CREB5: variants seen among roughly 807,000 people sequenced by gnomAD.
CREB5 encodes cAMP responsive element binding protein 5.
CREB5 carries 19 observed loss-of-function variants against 57.1 expected under a neutral mutation model. The ratio of observed to expected loss-of-function variants is 0.33; its 90% CI spans 0.23 to 0.49. CREB5 has a LOEUF of 0.49. Among genes scored for constraint, CREB5 ranks in the 20% least tolerant of loss-of-function variants. The probability of loss-of-function intolerance (pLI) is 0.99; values close to 1 mark genes in which losing one functional copy is unlikely to be tolerated. For synonymous variants in CREB5, 238 were observed against 238.3 expected (o/e 1.00, Z 0.01); for missense variants, 579 against 671.6 (o/e 0.86, Z 1.52).
chr7:28,455,434 A>G (rs1790050719), intron 1 of CREB5, among the ~76,000 whole-genome samples: 2 of 152,226 alleles, frequency 1.3e-5, no homozygotes, highest in African/African-American at 4.8e-5. Flanking sequence ...CTAAACATAG[A>G]AGGCAGAAAG....
chr7:28,749,109 A>G (rs971654551), intron 7 of CREB5, among the ~76,000 whole-genome samples: 8 of 152,152 alleles, frequency 5.3e-5, no homozygotes, highest in African/African-American at 1.9e-4. Context: ...GTATGCTCCA[A>G]CCCCTTATTC....
At chr7:28,674,856 C>G (rs930091524) in intron 5 of CREB5, among the ~76,000 whole-genome samples, 1 of 152,232 alleles carries the variant, frequency 6.6e-6, no homozygotes, top group Admixed American at 6.5e-5. Context: ...TTTAGACTTT[C>G]CAGTGGCTTT....
chr7:28,745,461 G>A (rs532906591), intron 7 of CREB5, among the ~76,000 whole-genome samples: 1 of 152,308 alleles, frequency 6.6e-6, no homozygotes, highest in East Asian at 1.9e-4. Flanking sequence ...TTTGGGAAGG[G>A]ATTCCATGCC....
chr7:28,674,979 C>G (rs1020919930), intron 5 of CREB5, among the ~76,000 whole-genome samples: 11 of 152,154 alleles, frequency 7.2e-5, no homozygotes, highest in Non-Finnish European at 1.6e-4. Context: ...TCTTTCTTTT[C>G]CTGCATGAAA....
intron 1 of CREB5, among the ~76,000 whole-genome samples, chr7:28,453,708 C>T (rs576354555): frequency 6.6e-6 from 1 of 152,308 alleles, no homozygotes; most frequent in South Asian, 2.1e-4. Context: ...TTCCCCAAGG[C>T]CCTTGAAGCA....
At chr7:28,693,292 G>A (rs1801371853) in intron 5 of CREB5, among the ~76,000 whole-genome samples, 1 of 152,204 alleles carries the variant, frequency 6.6e-6, no homozygotes, top group Admixed American at 6.5e-5. Flanking sequence ...CGGGAAAATA[G>A]GGTCAGGAGA....
chr7:28,682,685 G>C (rs964137981), intron 5 of CREB5, among the ~76,000 whole-genome samples: 10 of 146,970 alleles, frequency 6.8e-5, no homozygotes, highest in African/African-American at 1.3e-4. Context: ...CTAAAAGTGG[G>C]GGGGGGGGGA....
At chr7:28,441,544 A>T (rs901653309) in intron 1 of CREB5, among the ~76,000 whole-genome samples, 5 of 152,352 alleles carry the variant, frequency 3.3e-5, no homozygotes, top group Admixed American at 2.6e-4. Context: ...AAGTCCAAAG[A>T]TACCAAAAGC....
At chr7:28,721,186 C>T (rs1360574938) in intron 6 of CREB5, among the ~76,000 whole-genome samples, 1 of 152,142 alleles carries the variant, frequency 6.6e-6, no homozygotes, top group Non-Finnish European at 1.5e-5. Flanking sequence ...CATTGGTTGT[C>T]ACAACCAGGG....
rs376610716 is a variant in CREB5, at chr7:28,328,102, C to A, written c.-25+28661C>A. ...AACACATGGGCCTATCTCCTACTTG[C>A]TTCTAGGATTTCCTGCAAACCAGAG... is the stretch of plus-strand genomic sequence containing the variant. On this transcript the variant is annotated intron_variant, in intron 1 of 9. Coordinates refer to the CREB5 transcript ENST00000396299. Among the ~76,000 whole-genome samples the A allele has an allele frequency of 2.3e-3, 356 of 152,246 alleles. 10 individuals are homozygous for A. Among genetic ancestry groups the A allele is most frequent in the Middle Eastern group, 0.014 (4 of 294 alleles).
chr7:28,543,474 A>T (rs1794291710), intron 4 of CREB5, among the ~76,000 whole-genome samples: 1 of 151,506 alleles, frequency 6.6e-6, no homozygotes, highest in Non-Finnish European at 1.5e-5. Context: ...ACTTAATTAT[A>T]TATCCTAGGC....
rs565559132 is a variant in CREB5, at chr7:28,361,344, A to T, written c.-25+61903A>T. 2.0e-5 allele frequency among the ~76,000 whole-genome samples: 3 copies of T among 152,240 alleles called. No homozygotes were observed. In the East Asian group the frequency reaches 5.8e-4, roughly 29 times the overall value. On this transcript the variant is annotated intron_variant, in intron 1 of 9. Coordinates refer to the CREB5 transcript ENST00000396299. The stretch of plus-strand genomic sequence containing the variant: ...CCTAATTTTACATGAGTCAATGTTC[A>T]TATTGCTTTGGCTGCCTACACACCA...
chr7:28,359,664 T>C (rs956974716), intron 1 of CREB5, among the ~76,000 whole-genome samples: 2 of 152,126 alleles, frequency 1.3e-5, no homozygotes, highest in Non-Finnish European at 2.9e-5. Context: ...GTCTAGGCAA[T>C]GATCGTTTGC....
intron 4 of CREB5, among the ~76,000 whole-genome samples, chr7:28,526,903 G>T (rs117838531): frequency 6.6e-6 from 1 of 152,210 alleles, no homozygotes; most frequent in Non-Finnish European, 1.5e-5. Flanking sequence ...CCTCTATCCT[G>T]TACTCATGGT....
chr7:28,662,171 A>G (rs1276275515), intron 5 of CREB5, among the ~76,000 whole-genome samples: 1 of 152,240 alleles, frequency 6.6e-6, no homozygotes, highest in Non-Finnish European at 1.5e-5. Flanking sequence ...AAGAAAAGCC[A>G]GGTCATTCCT....
chr7:28,648,679 C>A (rs529052070), intron 5 of CREB5, among the ~76,000 whole-genome samples: 162 of 152,142 alleles, frequency 1.1e-3, no homozygotes, highest in Admixed American at 2.4e-3. Context: ...GAGATTGAAG[C>A]TGCTGTGAGC....
chr7:28,442,735 G>T (rs1293414698), intron 1 of CREB5, among the ~76,000 whole-genome samples: 1 of 152,048 alleles, frequency 6.6e-6, no homozygotes, highest in Non-Finnish European at 1.5e-5. Context: ...ATAGTAAATG[G>T]TTAAAGTCAC....
At chr7:28,585,768 G>T (rs1361983662) in intron 5 of CREB5, among the ~76,000 whole-genome samples, 3 of 152,128 alleles carry the variant, frequency 2.0e-5, no homozygotes, top group Non-Finnish European at 2.9e-5. Flanking sequence ...GAGTGAGCCC[G>T]CATGGGAGGG....
chr7:28,780,002 C>T (rs1806878194), intron 7 of CREB5, among the ~76,000 whole-genome samples: 1 of 152,178 alleles, frequency 6.6e-6, no homozygotes, highest in Admixed American at 6.5e-5. Flanking sequence ...CTCCTGAGCT[C>T]AAGCGATCTG....
Sources: gnomAD v4.1 joint callset for allele counts (sites outside exome capture counted in the v4.1 genomes callset) on GRCh38, gnomAD v4.1.1 for gene constraint, MANE v1.5 for transcripts, NCBI Gene and HGNC (gene_info 2026-07-23, HGNC 2026-07-21) for gene names.